Variants in IRF4 observed in about 807,000 individuals in gnomAD.
IRF4 encodes the protein lymphocyte-specific interferon regulatory factor.
Under a neutral mutation model 55.5 loss-of-function variants are expected in IRF4, and 13 were observed. That is an observed-to-expected ratio of 0.23 (90% CI 0.15 to 0.37). The LOEUF (loss-of-function observed/expected upper bound fraction) is 0.37. IRF4 is among the 10% of genes least tolerant of loss of function. IRF4 has a pLI of 1.00. For missense variants in IRF4, 397 were observed against 593.8 expected (o/e 0.67, Z 3.44); for synonymous variants, 249 against 240.7 (o/e 1.03, Z -0.32).
rs866955429 is a variant in IRF4, at chr6:407,654, G to A, written c.*56G>A. The A allele has an allele frequency of 1.1e-4, 154 of 1,371,366 alleles. 1 individual carries two copies. In the Middle Eastern group the frequency reaches 1.5e-3, roughly 14 times the overall value. The allele number at this position is 1,371,366 out of a possible 1,614,324, so 84.9% of individuals were successfully genotyped here. On this transcript the variant is annotated 3_prime_UTR_variant, in exon 9 of 9. Transcript: ENST00000380956. ...CTTTTTTTTTTTTTTTTTTTGATAC[G>A]GGGATACGGGGTCTTGCTCTGTCTC...
Position 394,947 on chromosome 6 carries a change from C to T in IRF4, c.343C>T (p.Gln115Ter). The T allele has an allele frequency of 6.2e-7, 1 of 1,614,210 alleles. No homozygotes were observed. The highest frequency in any genetic ancestry group is 8.5e-7 in the Non-Finnish European group (1 of 1,180,036). ...NDFEELVERS[Q>*]LDISDPYKVY... The stretch of plus-strand genomic sequence containing the variant: ...CTTTGAGGAACTGGTTGAGCGGAGC[C>T]AGCTGGACATCTCAGACCCGTACAA... Residue 115 changes from glutamine (Q) to a stop codon, truncating the protein, a stop_gained, in exon 3 of 9, where the codon CAG (glutamine) becomes TAG (stop). Transcript: ENST00000380956. LOFTEE classifies it high-confidence loss of function.
intron 7 of IRF4, 107 bp from the exon 8 acceptor site, chr6:404,911 C>T (rs1761505148): frequency 2.9e-6 from 2 of 691,708 alleles, no homozygotes. Context: ...AGTGCTCATT[C>T]CTCTTGCAGT....
chr6:405,627 A>G (rs1401947102), intron 8 of IRF4, among the ~76,000 whole-genome samples: 1 of 152,184 alleles, frequency 6.6e-6, no homozygotes, highest in Non-Finnish European at 1.5e-5. Flanking sequence ...GGAATTTTAG[A>G]AATTATTTAA....
chr6:408,163 C>T lies in IRF4; in HGVS notation c.*565C>T, dbSNP rs532869349. ...GTATTGACACTGACTAGAGTGATGA[C>T]TGCTTGTAGGTATGTCTGTGCCATT... On this transcript the variant is annotated 3_prime_UTR_variant, in exon 9 of 9. Transcript: ENST00000380956. The T allele has an allele frequency of 2.1e-5, 5 of 234,676 alleles. No individual in the cohort carries two copies. The East Asian group carries it at 2.4e-4, about 11-fold the overall frequency. 14.5% of individuals were successfully genotyped at this position (234,676 alleles called of 1,614,324 possible).
chr6:393,186 T>C lies in IRF4; in HGVS notation c.34T>C (p.Phe12Leu). The C allele has an allele frequency of 6.4e-7, 1 of 1,551,246 alleles. No homozygotes were observed. The highest frequency in any genetic ancestry group is 8.7e-7 in the Non-Finnish European group (1 of 1,147,922). ...NLEGGGRGGE[F>L]GMSAVSCGNG... ...GGAGGGCGGCGGCCGAGGCGGAGAG[T>C]TCGGCATGAGCGCGGTGAGCTGCGG... The change falls in exon 2 of 9, where the codon TTC becomes CTC. Residue 12 changes from phenylalanine to leucine, a missense_variant. By Grantham distance (22) the Phe-to-Leu change is conservative (BLOSUM62 0). Coordinates refer to ENST00000380956, the MANE Select transcript of IRF4 (RefSeq NM_002460.4). This position sits in a 1 kb window ranked among gnomAD's most constrained non-coding sequence, Gnocchi z 5.4.
intron 2 of IRF4, among the ~76,000 whole-genome samples, chr6:394,547 G>A (rs777434501): frequency 6.6e-6 from 1 of 152,204 alleles, no homozygotes; most frequent in Non-Finnish European, 1.5e-5. Context: ...GTGGAAGGAT[G>A]CCTATGCAAC....
Position 393,205 on chromosome 6 carries a change from G to A in IRF4, c.53G>A (p.Ser18Asn), listed in dbSNP as rs1000698747. ...RGGEFGMSAV[S>N]CGNGKLRQWL... ...GGAGAGTTCGGCATGAGCGCGGTGA[G>A]CTGCGGCAACGGGAAGCTCCGCCAG... The change falls in exon 2 of 9, where the codon AGC (serine) becomes AAC (asparagine). Residue 18 changes from serine (S) to asparagine (N), a missense_variant. This residue lies in a region of IRF4 where 34 missense variants were observed against 29.4 expected (regional missense o/e 1.16). Coordinates refer to ENST00000380956, the MANE Select transcript of IRF4 (RefSeq NM_002460.4). The surrounding 1 kb of genome is among the most constrained non-coding windows in gnomAD (Gnocchi z 5.4). 12 of 1,559,256 alleles carry A rather than the reference G, an allele frequency of 7.7e-6. No homozygotes were observed. Among genetic ancestry groups the A allele is most frequent in the South Asian group, 4.7e-5 (4 of 84,652 alleles).
chr6:403,110 G>A (rs918293052), intron 7 of IRF4, among the ~76,000 whole-genome samples: 3 of 152,246 alleles, frequency 2.0e-5, no homozygotes, highest in African/African-American at 4.8e-5. Flanking sequence ...CTGGTTCCCC[G>A]AGGCGGCGGC....
intron 5 of IRF4, 102 bp downstream of exon 5, chr6:397,354 C>G: frequency 7.1e-7 from 1 of 1,406,982 alleles, no homozygotes; most frequent in South Asian, 1.3e-5. Context: ...AAGCTCTTTC[C>G]CCTTCTTAGA....
At position 395,243 on chromosome 6, in the gene IRF4, G is replaced by A. The variant is rs532831581; in HGVS notation, c.403+236G>A. On this transcript the variant is annotated intron_variant, in intron 3 of 8. Coordinates refer to ENST00000380956, the MANE Select transcript of IRF4 (RefSeq NM_002460.4). ...ACTGTATGCCTCAATGTATATGGGGGGGGGTGCATTGAATATGTGTTTTCC... is the reference window on the plus strand; with the variant it reads ...ACTGTATGCCTCAATGTATATGGGGAGGGGTGCATTGAATATGTGTTTTCC... Among the ~76,000 whole-genome samples the A allele has an allele frequency of 7.9e-5, 12 of 151,518 alleles. No individual in the cohort carries two copies. The East Asian group carries it at 1.2e-3, about 15-fold the overall frequency.
intron 5 of IRF4, 155 bp downstream of exon 5, chr6:397,407 T>G (rs1054189849): frequency 3.7e-6 from 3 of 819,194 alleles, no homozygotes; most frequent in Admixed American, 2.9e-5. Flanking sequence ...TTCTCACTCC[T>G]GTGGGATGGT....
chr6:406,266 G>A (rs920313576), intron 8 of IRF4, among the ~76,000 whole-genome samples: 3 of 152,210 alleles, frequency 2.0e-5, no homozygotes, highest in African/African-American at 4.8e-5. Context: ...ATGATCGGCC[G>A]GGCACAGTGG....
At chr6:396,392 A>G (rs1451740433) in intron 4 of IRF4, among the ~76,000 whole-genome samples, 1 of 152,232 alleles carries the variant, frequency 6.6e-6, no homozygotes, top group African/African-American at 2.4e-5. Context: ...CAGTACAAGT[A>G]TCTCCATTGT....
chr6:410,192 A>G lies in IRF4; in HGVS notation c.*2594A>G, dbSNP rs1413899578. On this transcript the variant is annotated 3_prime_UTR_variant, in exon 9 of 9. Transcript: ENST00000380956. The stretch of plus-strand genomic sequence containing the variant: ...GGACAGTGCTGTTGAAGATTTGAGG[A>G]CTTGTTAAAGAGCACTGGGTCATAT... 2 of 229,680 alleles carry G rather than the reference A, an allele frequency of 8.7e-6. No homozygotes were observed. 14.2% of individuals were successfully genotyped at this position (229,680 alleles called of 1,614,324 possible). A position where few individuals can be genotyped will look rare whatever the true frequency, so the allele number is the denominator to read the frequency against.
intron 3 of IRF4, 116 bp from the exon 4 acceptor site, chr6:395,731 C>T (rs1761233556): frequency 1.3e-6 from 1 of 751,426 alleles, no homozygotes; most frequent in Non-Finnish European, 2.2e-6. Context: ...TATTTGTCAA[C>T]ACCGTGTTAT....
chr6:393,357 G>T lies in IRF4; in HGVS notation c.205G>T (p.Ala69Ser). The change falls in exon 2 of 9, where the codon GCG (alanine) becomes TCG (serine). Residue 69 changes from alanine (A) to serine (S), a missense_variant. Transcript: ENST00000380956. The surrounding 1 kb of genome is among the most constrained non-coding windows in gnomAD (Gnocchi z 5.4). Reference protein sequence around the residue: ...KQDYNREEDAALFKAWALFKG... With the variant: ...KQDYNREEDASLFKAWALFKG... ...GGACTACAACCGCGAGGAGGACGCC[G>T]CGCTCTTCAAGGTCTCCGGCCTCGG... is the stretch of plus-strand genomic sequence containing the variant. 6.3e-7 allele frequency: 1 copy of T among 1,596,848 alleles called. No homozygotes were observed. Among genetic ancestry groups the T allele is most frequent in the Non-Finnish European group, 8.5e-7 (1 of 1,171,858 alleles).
In IRF4 at chr6:393,292, A is replaced by G. The variant is rs1431984073; in HGVS notation, c.140A>G (p.Lys47Arg). The G allele has an allele frequency of 3.1e-6, 5 of 1,607,520 alleles. No individual in the cohort carries two copies. In the African/African-American group the frequency reaches 5.3e-5, roughly 17 times the overall value. The change falls in exon 2 of 9, where the codon AAG becomes AGG. Residue 47 changes from lysine to arginine, a missense_variant. Physicochemically the swap from Lys to Arg is conservative, Grantham distance 26. Around this residue, in one of 3 missense-constraint regions of IRF4, gnomAD observed 341 missense variants for 548.1 expected, o/e 0.62. Coordinates refer to ENST00000380956, the MANE Select transcript of IRF4 (RefSeq NM_002460.4). The surrounding 1 kb of genome is among the most constrained non-coding windows in gnomAD (Gnocchi z 5.4). ...GGGCTGGTGTGGGAGAACGAGGAGA[A>G]GAGCATCTTCCGCATCCCCTGGAAG... ...YPGLVWENEE[K>R]SIFRIPWKHA...
Position 405,013 on chromosome 6 carries a change from T to C in IRF4, c.1100-5T>C, listed in dbSNP as rs1238867508. The C allele has an allele frequency of 2.5e-6, 4 of 1,597,166 alleles. No individual in the cohort carries two copies. The highest frequency in any genetic ancestry group is 3.4e-6 in the Non-Finnish European group (4 of 1,164,652). The stretch of plus-strand genomic sequence containing the variant: ...ACATGGTCTCTTTCTTGTGGGCTTC[T>C]ACAGAGCTGCAAGCGTTTGCTCACC... On this transcript the variant is annotated splice_polypyrimidine_tract_variant and splice_region_variant and intron_variant, in intron 7 of 8. Coordinates refer to ENST00000380956, the MANE Select transcript of IRF4 (RefSeq NM_002460.4).
intron 3 of IRF4, among the ~76,000 whole-genome samples, chr6:395,239 G>C (rs962055989): frequency 1.3e-4 from 14 of 103,754 alleles, no homozygotes; most frequent in East Asian, 6.5e-4. Flanking sequence ...CAATGTATAT[G>C]GGGGGGGGTG....
Sources: allele counts gnomAD v4.1 joint callset (sites outside exome capture counted in the v4.1 genomes callset), GRCh38; gene constraint gnomAD v4.1.1; regional missense constraint gnomAD v4.1.1; non-coding constraint Gnocchi (gnomAD v3.1); transcripts MANE v1.5; gene names NCBI Gene and HGNC (gene_info 2026-07-23, HGNC 2026-07-21).